The following TREML2 variants were observed in gnomAD, a reference collection of about 807,000 sequenced individuals.
TREML2 encodes the protein triggering receptor expressed on myeloid cells like 2.
Under a neutral mutation model 25.9 loss-of-function variants are expected in TREML2, and 24 were observed. The observed-to-expected ratio is 0.93, with a 90% confidence interval of 0.67 to 1.30. TREML2 has a LOEUF of 1.30. TREML2 is among the 50% of genes most tolerant of loss of function. The pLI is 0.00. For missense variants in TREML2, 359 were observed against 395.6 expected (o/e 0.91, Z 0.78); for synonymous variants, 139 against 155.2 (o/e 0.90, Z 0.77).
In TREML2 at chr6:41,201,030, G is replaced by A; in HGVS notation, c.-22C>T. ...CCATGGTTCCATCCAGCTGGGCAGT[G>A]TCAGGCCTGGAGATCCAAGGTGAGG... On this transcript the variant is annotated 5_prime_UTR_variant, in exon 1 of 5. Coordinates refer to ENST00000483722, the MANE Select transcript of TREML2 (RefSeq NM_024807.4). The A allele has an allele frequency of 6.2e-7, 1 of 1,611,762 alleles. No individual in the cohort carries two copies. The highest frequency in any genetic ancestry group is 8.5e-7 in the Non-Finnish European group (1 of 1,178,752).
At chr6:41,193,010 G>A in intron 3 of TREML2, 109 bp from the exon 4 acceptor site, 1 of 833,030 alleles carries the variant, frequency 1.2e-6, no homozygotes, top group Non-Finnish European at 1.8e-6. Context: ...CCTTCCCGGG[G>A]TAGACGGCCA....
rs760412965 is a variant in TREML2, at chr6:41,201,046, C to A, written c.-38G>T. 2.5e-6 allele frequency: 4 copies of A among 1,610,980 alleles called. No individual in the cohort carries two copies. Among genetic ancestry groups the A allele is most frequent in the Non-Finnish European group, 2.5e-6 (3 of 1,177,970 alleles). ...CTGGGCAGTGTCAGGCCTGGAGATC[C>A]AAGGTGAGGGCCCACCCGACACAGG... On this transcript the variant is annotated 5_prime_UTR_variant, in exon 1 of 5. Transcript: ENST00000483722.
Position 41,198,237 on chromosome 6 carries a change from G to A in TREML2, c.248C>T (p.Ala83Val), listed in dbSNP as rs747816897. ...KGPRYLLQDD[A>V]QAKVVNITMV... is the part of the protein sequence containing the mutation. The stretch of plus-strand genomic sequence containing the variant: ...GGTGATGTTGACCACCTTGGCCTGG[G>A]CATCGTCCTGCAGCAAGTAGCGGGG... Residue 83 changes from alanine (A) to valine (V), a missense_variant, in exon 2 of 5, where the codon GCC (alanine) becomes GTC (valine). By Grantham distance (64) the Ala-to-Val change is moderately conservative (BLOSUM62 0). Coordinates refer to ENST00000483722, the MANE Select transcript of TREML2 (RefSeq NM_024807.4). 8.7e-6 allele frequency: 14 copies of A among 1,614,254 alleles called. No homozygotes were observed. The South Asian group carries it at 1.4e-4, about 16-fold the overall frequency.
intron 2 of TREML2, among the ~76,000 whole-genome samples, chr6:41,197,040 T>C (rs1377269576): frequency 6.6e-6 from 1 of 152,242 alleles, no homozygotes; most frequent in Non-Finnish European, 1.5e-5. Context: ...ATTCCTCCTT[T>C]TGGCTCACCC....
rs62396355 is a variant in TREML2 at position 41,198,411 on chromosome 6, A to G, written c.74T>C (p.Val25Ala). The change falls in exon 2 of 5, where the codon GTA becomes GCA. Residue 25 changes from valine (V) to alanine (A), a missense_variant. Val to Ala is a moderately conservative substitution (Grantham distance 64). Coordinates refer to ENST00000483722, the MANE Select transcript of TREML2 (RefSeq NM_024807.4). Reference sequence around the variant, plus strand: ...TTCAAGGAGCCTCACTTTTGTGTATACACTGTCAGCAGAGGGGCCTGTGGA... The same window carrying G: ...TTCAAGGAGCCTCACTTTTGTGTATGCACTGTCAGCAGAGGGGCCTGTGGA... ...GCVSGPSADS[V>A]YTKVRLLEGE... 192,931 of 1,601,606 alleles carry G rather than the reference A, an allele frequency of 0.12. 13,063 individuals are homozygous for G. The highest frequency in any genetic ancestry group is 0.16 in the South Asian group (14,274 of 90,772).
At chr6:41,193,726 A>C (rs1766107286) in intron 3 of TREML2, among the ~76,000 whole-genome samples, 1 of 150,452 alleles carries the variant, frequency 6.6e-6, no homozygotes, top group African/African-American at 2.4e-5. Context: ...TCTCCTCTCC[A>C]TCCACAGACA....
chr6:41,192,351 G>A lies in TREML2; in HGVS notation c.*76C>T. ...CCTCCAGCTTCATAAGATCGATACTGGCCCCAATCTTCACCCCTCCTCTAA... is the reference window on the plus strand; with the variant it reads ...CCTCCAGCTTCATAAGATCGATACTAGCCCCAATCTTCACCCCTCCTCTAA... On this transcript the variant is annotated 3_prime_UTR_variant, in exon 5 of 5. Transcript: ENST00000483722. 1 of 1,160,164 alleles carries A rather than the reference G, an allele frequency of 8.6e-7. No individual in the cohort carries two copies. Among genetic ancestry groups the A allele is most frequent in the South Asian group, 1.3e-5 (1 of 78,650 alleles). 71.9% of individuals were successfully genotyped at this position (1,160,164 alleles called of 1,614,324 possible).
At chr6:41,199,909 C>T (rs1766244623) in intron 1 of TREML2, among the ~76,000 whole-genome samples, 1 of 152,200 alleles carries the variant, frequency 6.6e-6, no homozygotes, top group Non-Finnish European at 1.5e-5. Flanking sequence ...GTGAGAATAG[C>T]ACCACACCCC....
chr6:41,194,909 C>T (rs1360016904), intron 2 of TREML2, 76 bp from the exon 3 acceptor site: 1 of 1,410,714 alleles, frequency 7.1e-7, no homozygotes, highest in South Asian at 1.4e-5. Flanking sequence ...GCAACCCACA[C>T]AGTTGCCTGG....
intron 4 of TREML2, 142 bp from the exon 5 acceptor site, chr6:41,192,648 GC>G: frequency 8.9e-7 from 1 of 1,129,462 alleles, no homozygotes; most frequent in Non-Finnish European, 1.3e-6. Flanking sequence ...GGTGGTCTCC[GC>G]CTGGCCGCCC....
At chr6:41,197,189 G>A (rs548460439) in intron 2 of TREML2, among the ~76,000 whole-genome samples, 1 of 152,304 alleles carries the variant, frequency 6.6e-6, no homozygotes, top group Non-Finnish European at 1.5e-5. Flanking sequence ...TTTCCAGCCA[G>A]ATGCCCACAA....
chr6:41,199,053 G>A (rs1366911057), intron 1 of TREML2, among the ~76,000 whole-genome samples: 11 of 152,070 alleles, frequency 7.2e-5, no homozygotes, highest in African/African-American at 1.4e-4. Flanking sequence ...TAGTAGAGAC[G>A]GGATTTCACC....
At position 41,194,676 on chromosome 6, in the gene TREML2, G is replaced by T; in HGVS notation, c.534C>A (p.Leu178=). 6.2e-7 allele frequency: 1 copy of T among 1,614,110 alleles called. No homozygotes were observed. Among genetic ancestry groups the T allele is most frequent in the Non-Finnish European group, 8.5e-7 (1 of 1,179,992 alleles). Reference sequence around the variant, plus strand: ...TGGAGGCAGGTCTGGTGGAGGCTAAGAGCCTAGGCAAGGTGATGAGTCCTG... The same window carrying T: ...TGGAGGCAGGTCTGGTGGAGGCTAATAGCCTAGGCAAGGTGATGAGTCCTG... The part of the protein sequence containing the change: ...FTPGLITLPR[L]LASTRPASKT... The change falls in exon 3 of 5, where the codon CTC becomes CTA. Residue 178 remains leucine (L), a synonymous_variant. Coordinates refer to ENST00000483722, the MANE Select transcript of TREML2 (RefSeq NM_024807.4).
At chr6:41,199,587 G>A (rs1448937493) in intron 1 of TREML2, among the ~76,000 whole-genome samples, 1 of 152,188 alleles carries the variant, frequency 6.6e-6, no homozygotes, top group African/African-American at 2.4e-5. Context: ...GAGCAGAACT[G>A]GGGTGTGCAG....
chr6:41,196,356 A>G (rs1582097651), intron 2 of TREML2, among the ~76,000 whole-genome samples: 1 of 152,148 alleles, frequency 6.6e-6, no homozygotes, highest in South Asian at 2.1e-4. Context: ...TGGAGATGCA[A>G]TTGGGTTAGG....
At chr6:41,200,599 A>C (rs4714431) in intron 1 of TREML2, among the ~76,000 whole-genome samples, 50,876 of 152,110 alleles carry the variant, frequency 0.33, 8,648 homozygotes, top group South Asian at 0.41. Context: ...TTCAAAACAC[A>C]CATGATGCAA....
intron 1 of TREML2, among the ~76,000 whole-genome samples, chr6:41,200,154 C>T (rs901626696): frequency 6.6e-6 from 1 of 152,234 alleles, no homozygotes; most frequent in African/African-American, 2.4e-5. Context: ...GCAGCACCCT[C>T]TCTAAGCATC....
chr6:41,199,017 C>T (rs1310936108), intron 1 of TREML2, among the ~76,000 whole-genome samples: 1 of 152,214 alleles, frequency 6.6e-6, no homozygotes, highest in African/African-American at 2.4e-5. Flanking sequence ...TGCCTGCCAC[C>T]ACGTCCGGCT....
chr6:41,197,992 C>T (rs777047566), intron 2 of TREML2, 117 bp downstream of exon 2: 9 of 1,056,406 alleles, frequency 8.5e-6, no homozygotes, highest in Non-Finnish European at 1.2e-5. Flanking sequence ...ACTCTGAAAA[C>T]ACTACAGTGC....
Sources: allele counts gnomAD v4.1 joint callset (sites outside exome capture counted in the v4.1 genomes callset), GRCh38; gene constraint gnomAD v4.1.1; transcripts MANE v1.5; gene names NCBI Gene and HGNC (gene_info 2026-07-23, HGNC 2026-07-21).